Variants in PRIM2 observed in about 807,000 individuals in gnomAD.
The protein encoded by PRIM2 is DNA primase large subunit.
Under a neutral mutation model 67.3 loss-of-function variants are expected in PRIM2, and 39 were observed. That is an observed-to-expected ratio of 0.58 (90% CI 0.45 to 0.76). PRIM2 has a LOEUF of 0.76. Ranked by LOEUF, PRIM2 falls within the 30% of genes least tolerant of loss-of-function variation. The pLI is 0.00. For missense variants in PRIM2, 398 were observed against 598.7 expected (o/e 0.66, Z 3.50); for synonymous variants, 143 against 198.7 (o/e 0.72, Z 2.36).
chr6:57,436,825 T>C (rs1772028033), intron 7 of PRIM2, among the ~76,000 whole-genome samples: 1 of 152,198 alleles, frequency 6.6e-6, no homozygotes, highest in Non-Finnish European at 1.5e-5. Flanking sequence ...TAAATATTAT[T>C]TTGTAGTTTG....
chr6:57,383,851 C>T (rs1007460690), intron 7 of PRIM2, among the ~76,000 whole-genome samples: 4 of 152,184 alleles, frequency 2.6e-5, no homozygotes, highest in Non-Finnish European at 4.4e-5. Flanking sequence ...AAGGCACTAA[C>T]TTAGGTACTC....
chr6:57,301,556 C>T, the PRIM2 span, among the ~76,000 whole-genome samples: 1 of 152,168 alleles, frequency 6.6e-6, no homozygotes, highest in Non-Finnish European at 1.5e-5. Context: ...AATCTCAGCA[C>T]TTTGGGAGGC....
At chr6:57,537,350 A>G in intron 9 of PRIM2, 90 bp from the exon 10 acceptor site, 1 of 632,870 alleles carries the variant, frequency 1.6e-6, no homozygotes, top group Non-Finnish European at 2.5e-6. Context: ...TTTTATTCCA[A>G]TTAAATTGAA....
the PRIM2 span, among the ~76,000 whole-genome samples, chr6:57,290,670 T>C: frequency 6.6e-6 from 1 of 152,114 alleles, no homozygotes; most frequent in African/African-American, 2.4e-5. Context: ...CACAGTGCAA[T>C]CAAATTACAA....
chr6:57,573,392 G>T (rs1775897568), intron 10 of PRIM2, among the ~76,000 whole-genome samples: 1 of 152,050 alleles, frequency 6.6e-6, no homozygotes, highest in African/African-American at 2.4e-5. Context: ...ACCATGCTCA[G>T]ATTTGCATAG....
At chr6:57,411,043 C>T (rs879465519) in intron 7 of PRIM2, among the ~76,000 whole-genome samples, 2 of 151,794 alleles carry the variant, frequency 1.3e-5, no homozygotes, top group East Asian at 1.9e-4. Flanking sequence ...TTGGATCATG[C>T]GGGCAGATCT....
At chr6:57,352,212 G>A (rs1007556590) in intron 5 of PRIM2, among the ~76,000 whole-genome samples, 15 of 152,214 alleles carry the variant, frequency 9.9e-5, no homozygotes, top group East Asian at 9.7e-4. Context: ...TGTAATTCAC[G>A]TTTGAGTATT....
intron 5 of PRIM2, among the ~76,000 whole-genome samples, chr6:57,326,917 T>G (rs1194491034): frequency 9.0e-6 from 1 of 111,028 alleles, no homozygotes; most frequent in East Asian, 2.3e-4. Context: ...TTTTTTTTTT[T>G]TTGAGATGGA....
chr6:57,359,061 C>G (rs1769117468), intron 5 of PRIM2, among the ~76,000 whole-genome samples: 1 of 152,268 alleles, frequency 6.6e-6, no homozygotes, highest in Non-Finnish European at 1.5e-5. Context: ...TTCATCTTCT[C>G]CAGCTGAAAC....
chr6:57,617,903 A>G, intron 12 of PRIM2, among the ~76,000 whole-genome samples: 1 of 152,232 alleles, frequency 6.6e-6, no homozygotes, highest in Middle Eastern at 3.4e-3. Flanking sequence ...ATCCCTTTTG[A>G]GTTAATTTTT....
intron 10 of PRIM2, among the ~76,000 whole-genome samples, chr6:57,539,339 TATTATG>T (rs1775085699): frequency 6.6e-6 from 1 of 152,198 alleles, no homozygotes; most frequent in Non-Finnish European, 1.5e-5. Flanking sequence ...ATTGTCATTA[TATTATG>T]ATTATATTTG....
intron 10 of PRIM2, among the ~76,000 whole-genome samples, chr6:57,553,654 A>T (rs1318281203): frequency 1.3e-5 from 2 of 151,422 alleles, no homozygotes; most frequent in Admixed American, 1.3e-4. Context: ...GCTGTAACTC[A>T]CTGTGTAAAC....
intron 12 of PRIM2, among the ~76,000 whole-genome samples, chr6:57,609,958 G>A (rs1196658376): frequency 1.3e-5 from 2 of 152,156 alleles, no homozygotes; most frequent in Non-Finnish European, 2.9e-5. Context: ...AATATTGAAT[G>A]AGAGTTAAGA....
At chr6:57,391,021 C>G (rs945475720) in intron 7 of PRIM2, among the ~76,000 whole-genome samples, 3 of 151,762 alleles carry the variant, frequency 2.0e-5, no homozygotes, top group Non-Finnish European at 4.4e-5. Context: ...TAAGTGTTCC[C>G]TCCTCTTCGC....
At position 57,537,611 on chromosome 6, in the gene PRIM2, A is replaced by T. The variant is rs1448838918; in HGVS notation, c.1006A>T (p.Met336Leu). 6.5e-7 allele frequency: 1 copy of T among 1,548,606 alleles called. No individual in the cohort carries two copies. The highest frequency in any genetic ancestry group is 1.4e-5 in the African/African-American group (1 of 73,074). ...GAAGCAAGAATTTATCAAAGGAAAG[A>T]TGGATCCAGACAAGGTAATTTTGAA... ...FWKQEFIKGK[M>L]DPDKFDKGYS... Residue 336 changes from methionine to leucine, a missense_variant, in exon 10 of 14, where the codon ATG (methionine) becomes TTG (leucine). By Grantham distance (15) the Met-to-Leu change is conservative. This residue lies in a region of PRIM2 where 229 missense variants were observed against 383.6 expected (regional missense o/e 0.60). Transcript: ENST00000615550.
At chr6:57,331,455 C>T (rs1247506667) in intron 5 of PRIM2, among the ~76,000 whole-genome samples, 3 of 152,024 alleles carry the variant, frequency 2.0e-5, no homozygotes, top group Non-Finnish European at 1.5e-5. Flanking sequence ...TCCTCCTCTT[C>T]CGTTTTTTGG....
chr6:57,541,729 G>A (rs1418669737), intron 10 of PRIM2, among the ~76,000 whole-genome samples: 1 of 152,162 alleles, frequency 6.6e-6, no homozygotes, highest in African/African-American at 2.4e-5. Flanking sequence ...CCCAGTTTAA[G>A]GAAGTCAGAC....
intron 10 of PRIM2, among the ~76,000 whole-genome samples, chr6:57,543,041 G>A (rs1318554626): frequency 1.4e-5 from 2 of 140,812 alleles, no homozygotes; most frequent in Non-Finnish European, 3.0e-5. Context: ...TGGGCTTCAC[G>A]CCATTCTCCT....
the PRIM2 span, among the ~76,000 whole-genome samples, chr6:57,279,746 A>G: frequency 2.0e-5 from 3 of 152,364 alleles, no homozygotes; most frequent in South Asian, 6.2e-4. Context: ...CCTGTGCTCA[A>G]GGGAATCACA....
Sources: allele counts gnomAD v4.1 joint callset (sites outside exome capture counted in the v4.1 genomes callset), GRCh38; gene constraint gnomAD v4.1.1; regional missense constraint gnomAD v4.1.1; transcripts MANE v1.5; gene names NCBI Gene and HGNC (gene_info 2026-07-23, HGNC 2026-07-21).